Variants in B9D1 observed in about 807,000 individuals in gnomAD.
B9D1 encodes the protein B9 domain containing 1.
Under a neutral mutation model 26.1 loss-of-function variants are expected in B9D1, and 20 were observed. The observed-to-expected ratio is 0.77, with a 90% CI of 0.54 to 1.12. B9D1 has a LOEUF of 1.12. B9D1 is among the 50% of genes most tolerant of loss of function. The pLI is 0.00. For missense variants in B9D1, 260 were observed against 273.7 expected, an observed-to-expected ratio of 0.95 and a Z score of 0.35; for synonymous variants, 105 against 103.1, an observed-to-expected ratio of 1.02 and a Z score of -0.11.
At chr17:19,377,467 T>C (rs1912194499) in intron 1 of B9D1, among the ~76,000 whole-genome samples, 1 of 152,244 alleles carries the variant, frequency 6.6e-6, no homozygotes. Context: ...TACATTTTTG[T>C]ACACCAAAGG....
rs2152276135 is a variant in B9D1, at chr17:19,360,309, G to A, written c.132+11C>T. 1 of 1,613,704 alleles carries A rather than the reference G, an allele frequency of 6.2e-7. No homozygotes were observed. Among genetic ancestry groups the A allele is most frequent in the Non-Finnish European group, 8.5e-7 (1 of 1,179,776 alleles). ...TGAAGGCGGTAAGGGAGGCCCAAGAGTCCAGCTTACCGCTGTGGGGGCCCA... is the reference window on the plus strand; with the variant it reads ...TGAAGGCGGTAAGGGAGGCCCAAGAATCCAGCTTACCGCTGTGGGGGCCCA... On this transcript the variant is annotated intron_variant, in intron 2 of 6. Coordinates refer to ENST00000261499, the MANE Select transcript of B9D1 (RefSeq NM_015681.6).
chr17:19,363,441 G>A (rs150113994), upstream of B9D1, among the ~76,000 whole-genome samples: 504 of 152,298 alleles, frequency 3.3e-3, 4 homozygotes, highest in Middle Eastern at 0.048. Flanking sequence ...CTACTAACTT[G>A]TTGATAAATG....
intron 1 of B9D1, chr17:19,371,496 G>A (rs573836925): frequency 1.5e-4 from 23 of 152,298 alleles, no homozygotes; most frequent in African/African-American, 5.5e-4. Flanking sequence ...GCTCAGAGAG[G>A]GCCGAGACTT....
intron 5 of B9D1, chr17:19,346,928 G>A: frequency 2.1e-6 from 3 of 1,457,688 alleles, no homozygotes; most frequent in South Asian, 1.4e-5. Flanking sequence ...CTGTTCCAAG[G>A]TGTCTGACTC....
chr17:19,335,300 A>G (rs1243457842), downstream of B9D1: 5 of 1,187,198 alleles, frequency 4.2e-6, no homozygotes, highest in Non-Finnish European at 4.7e-6. Context: ...CTGAGAGGCT[A>G]TTTTTCTTAC....
chr17:19,365,655 C>T (rs371565025), upstream of B9D1, among the ~76,000 whole-genome samples: 1 of 152,144 alleles, frequency 6.6e-6, no homozygotes. This position sits in a 1 kb window ranked among gnomAD's most constrained non-coding sequence, Gnocchi z 5.0. Context: ...TCCAGCCCTG[C>T]GATCTCTGCA....
intron 1 of B9D1, among the ~76,000 whole-genome samples, chr17:19,361,153 A>G (rs1300977396): frequency 6.6e-6 from 1 of 151,382 alleles, no homozygotes; most frequent in Non-Finnish European, 1.5e-5. Context: ...CCCAGATGGG[A>G]CCATCTAGTT....
At chr17:19,358,737 C>G (rs1039516972) in intron 2 of B9D1, among the ~76,000 whole-genome samples, 4 of 152,198 alleles carry the variant, frequency 2.6e-5, no homozygotes, top group African/African-American at 9.7e-5. Flanking sequence ...GCTCCTCTAC[C>G]TGTACTTGGT....
rs1264457782 is a variant in B9D1, at chr17:19,362,603, G to A, written c.-34C>T. On this transcript the variant is annotated 5_prime_UTR_variant, in exon 1 of 7. Transcript: ENST00000261499. ...TGGGGGTGCCGGGGGGACCCACCTA[G>A]GCCGCGCGCGGTTGCTAAGAGACGC... The A allele has an allele frequency of 3.2e-6, 5 of 1,578,112 alleles. No homozygotes were observed. In the African/African-American group the frequency reaches 4.0e-5, roughly 13 times the overall value.
chr17:19,335,700 A>G, downstream of B9D1: 1 of 394,732 alleles, frequency 2.5e-6, no homozygotes, highest in Non-Finnish European at 4.5e-6. Flanking sequence ...GAGACCTAAA[A>G]ATAATTCTCT....
chr17:19,352,058 C>T lies in B9D1; in HGVS notation c.245-4178G>A, dbSNP rs141686426. On this transcript the variant is annotated intron_variant, in intron 3 of 6. Coordinates refer to ENST00000261499, the MANE Select transcript of B9D1 (RefSeq NM_015681.6). ...GAGCCACTGTGCCTGGCCAATTTTT[C>T]TATTTTTTGTAGAGACAGGGTCTCA... Among the ~76,000 whole-genome samples, 478 of 151,618 alleles carry T rather than the reference C, an allele frequency of 3.2e-3. 1 individual carries two copies. Among genetic ancestry groups the T allele is most frequent in the African/African-American group, 0.011 (443 of 41,318 alleles).
At chr17:19,354,709 T>A (rs923645933) in intron 3 of B9D1, among the ~76,000 whole-genome samples, 3 of 152,014 alleles carry the variant, frequency 2.0e-5, no homozygotes, top group South Asian at 2.1e-4. Flanking sequence ...GCACCTGTAA[T>A]CCCCAGCTAC....
intron 3 of B9D1, among the ~76,000 whole-genome samples, chr17:19,355,877 G>A (rs1910282266): frequency 6.6e-6 from 1 of 152,016 alleles, no homozygotes; most frequent in Non-Finnish European, 1.5e-5. Flanking sequence ...ATAATTCTCA[G>A]TCTGTTTTAT....
chr17:19,364,114 A>C (rs897973474), upstream of B9D1, among the ~76,000 whole-genome samples: 1 of 152,184 alleles, frequency 6.6e-6, no homozygotes, highest in South Asian at 2.1e-4. The surrounding 1 kb of genome is among the most constrained non-coding windows in gnomAD (Gnocchi z 4.3). Context: ...TGTTGCACAC[A>C]AGTTAGTTTT....
chr17:19,362,140 C>T (rs1001250278), intron 1 of B9D1, among the ~76,000 whole-genome samples: 41 of 152,220 alleles, frequency 2.7e-4, no homozygotes, highest in African/African-American at 9.6e-4. Context: ...ACAGTAACTC[C>T]ACACGGGACA....
chr17:19,343,897 T>G (rs1908333175), intron 5 of B9D1, 40 bp from the exon 6 acceptor site: 1 of 1,612,680 alleles, frequency 6.2e-7, no homozygotes, highest in Non-Finnish European at 8.5e-7. Context: ...GGGCCCCACC[T>G]GGGCATTCCT....
Position 19,370,257 on chromosome 17 carries a change from A to G in B9D1, c.-298+7602T>C, listed in dbSNP as rs946085590. 1.3e-5 allele frequency among the ~76,000 whole-genome samples: 2 copies of G among 152,346 alleles called. No homozygotes were observed. Among genetic ancestry groups the G allele is most frequent in the East Asian group, 3.9e-4 (2 of 5,188 alleles). On this transcript the variant is annotated intron_variant, in intron 1 of 5. Transcript: ENST00000477478. This position sits in a 1 kb window ranked among gnomAD's most constrained non-coding sequence, Gnocchi z 5.1. ...TGAAAGATTGCTCTGGCTACTGTGC[A>G]GAGTGGCTTCTCAGGGTGCACACGG...
At position 19,343,386 on chromosome 17, in the gene B9D1, T is replaced by C. The variant is rs1374536607; in HGVS notation, c.548A>G (p.Tyr183Cys). 1.2e-6 allele frequency: 2 copies of C among 1,614,104 alleles called. No individual in the cohort carries two copies. Among genetic ancestry groups the C allele is most frequent in the East Asian group, 2.2e-5 (1 of 44,876 alleles). Residue 183 changes from tyrosine to cysteine, a missense_variant, in exon 7 of 7, where the codon TAT becomes TGT. Coordinates refer to ENST00000261499, the MANE Select transcript of B9D1 (RefSeq NM_015681.6). The stretch of plus-strand genomic sequence containing the variant: ...CTGTGTATCAGAAGGCCCAGTGTCA[T>C]AGCCCAGTTTCCTCATGTCCTTGGT... ...VVTKDMRKLG[Y>C]DTGPSDTQGV...
intron 1 of B9D1, among the ~76,000 whole-genome samples, chr17:19,376,787 CAAATA>C (rs150015643): frequency 0.048 from 6,478 of 134,630 alleles, 277 homozygotes; most frequent in East Asian, 0.19. Flanking sequence ...ACTCACTCTT[CAAATA>C]AAATAAAATA....
Sources: allele counts gnomAD v4.1 joint callset (sites outside exome capture counted in the v4.1 genomes callset), GRCh38; gene constraint gnomAD v4.1.1; non-coding constraint Gnocchi (gnomAD v3.1); transcripts MANE v1.5; gene names NCBI Gene and HGNC (gene_info 2026-07-23, HGNC 2026-07-21).